Variants in NME7 observed in about 807,000 individuals in gnomAD.
NME7 encodes the protein nucleoside diphosphate kinase 7.
In NME7, 41 loss-of-function variants were observed where a neutral mutation model predicts 49.1. That is an observed-to-expected ratio of 0.83 (90% confidence interval 0.65 to 1.08). The LOEUF is 1.08. Among genes scored for constraint, NME7 ranks in the 50% least tolerant of loss-of-function variants. The pLI is 0.00. For synonymous variants in NME7, 139 were observed against 150.6 expected (o/e 0.92, Z 0.56); for missense variants, 423 against 463.4 (o/e 0.91, Z 0.80).
intron 10 of NME7, among the ~76,000 whole-genome samples, chr1:169,214,432 C>T (rs1660918199): frequency 6.6e-6 from 1 of 152,126 alleles, no homozygotes; most frequent in South Asian, 2.1e-4. Flanking sequence ...ACCATGAAGG[C>T]TTTTGTTTGA....
chr1:169,238,477 G>GCACACACACACACACA (rs138287537), intron 7 of NME7, among the ~76,000 whole-genome samples: 57 of 124,150 alleles, frequency 4.6e-4, no homozygotes, highest in Middle Eastern at 3.7e-3. Flanking sequence ...ATGCACAAAG[G>GCACACACACACACACA]CACACACACA....
At chr1:169,277,771 C>T in intron 7 of NME7, among the ~76,000 whole-genome samples, 1 of 122,012 alleles carries the variant, frequency 8.2e-6, no homozygotes, top group Non-Finnish European at 1.7e-5. Flanking sequence ...GATGCAGTTT[C>T]TTCCTAGTCT....
At chr1:169,339,894 G>C (rs1018962990) in intron 1 of NME7, among the ~76,000 whole-genome samples, 6 of 152,280 alleles carry the variant, frequency 3.9e-5, no homozygotes, top group Non-Finnish European at 8.8e-5. Context: ...GATCACATTG[G>C]TTAAGTTTCT....
At chr1:169,299,097 C>G (rs922734194) in intron 5 of NME7, among the ~76,000 whole-genome samples, 1 of 152,082 alleles carries the variant, frequency 6.6e-6, no homozygotes, top group Non-Finnish European at 1.5e-5. Flanking sequence ...GAGGATTTTC[C>G]TTTTTATTTA....
At chr1:169,257,789 A>G (rs1200529693) in intron 7 of NME7, among the ~76,000 whole-genome samples, 1 of 133,950 alleles carries the variant, frequency 7.5e-6, no homozygotes, top group Non-Finnish European at 1.8e-5. Context: ...TTCATTTACA[A>G]AACTTAGTTT....
chr1:169,355,364 TTA>T (rs1244703925), intron 1 of NME7, among the ~76,000 whole-genome samples: 8 of 50,286 alleles, frequency 1.6e-4, no homozygotes, highest in African/African-American at 4.3e-4. Context: ...TAAATATATA[TTA>T]TACACACACA....
chr1:169,236,246 AC>A (rs1647854662), intron 8 of NME7, among the ~76,000 whole-genome samples: 1 of 152,144 alleles, frequency 6.6e-6, no homozygotes, highest in Non-Finnish European at 1.5e-5. Flanking sequence ...CTGCTGAGTA[AC>A]CCATTTAGGC....
chr1:169,158,527 G>C (rs867159558), intron 11 of NME7, among the ~76,000 whole-genome samples: 1 of 151,984 alleles, frequency 6.6e-6, no homozygotes. Flanking sequence ...GAATAACGGG[G>C]CTCTACTCTA....
Position 169,336,303 on chromosome 1 carries a change from C to T in NME7, c.4-11803G>A, listed in dbSNP as rs559597315. 4.6e-5 allele frequency among the ~76,000 whole-genome samples: 7 copies of T among 151,646 alleles called. No homozygotes were observed. In the East Asian group the frequency reaches 5.8e-4, roughly 13 times the overall value. Reference sequence around the variant, plus strand: ...CAGTAGCAAGATTTATTGCAAAGAGCGAAAGAACAAAGCTTCCACAGTGTG... The same window carrying T: ...CAGTAGCAAGATTTATTGCAAAGAGTGAAAGAACAAAGCTTCCACAGTGTG... On this transcript the variant is annotated intron_variant, in intron 1 of 11. Transcript: ENST00000367811.
chr1:169,179,595 T>C (rs1373681995), intron 10 of NME7, among the ~76,000 whole-genome samples: 1 of 152,120 alleles, frequency 6.6e-6, no homozygotes, highest in Non-Finnish European at 1.5e-5. Flanking sequence ...AAAGAAAATG[T>C]ACATATACAC....
intron 10 of NME7, among the ~76,000 whole-genome samples, chr1:169,224,516 A>G (rs1296342643): frequency 6.6e-6 from 1 of 152,126 alleles, no homozygotes; most frequent in Admixed American, 6.5e-5. Flanking sequence ...ATATATGAAT[A>G]TATACATATA....
chr1:169,177,655 T>C (rs1659792041), intron 10 of NME7, among the ~76,000 whole-genome samples: 1 of 152,008 alleles, frequency 6.6e-6, no homozygotes, highest in Non-Finnish European at 1.5e-5. Context: ...CCTATAGTCC[T>C]GCATGCTCTG....
intron 4 of NME7, among the ~76,000 whole-genome samples, chr1:169,305,686 C>A (rs1371513759): frequency 1.3e-5 from 2 of 152,096 alleles, no homozygotes; most frequent in African/African-American, 4.8e-5. Context: ...AGCTGGTAAC[C>A]CAAGCTCACT....
intron 3 of NME7, among the ~76,000 whole-genome samples, chr1:169,319,253 C>T (rs2101931996): frequency 6.6e-6 from 1 of 152,052 alleles, no homozygotes; most frequent in African/African-American, 2.4e-5. Context: ...GATGATACTG[C>T]CAAATCTTCA....
intron 7 of NME7, among the ~76,000 whole-genome samples, chr1:169,277,364 G>C (rs534382290): frequency 2.1e-3 from 299 of 142,208 alleles, no homozygotes; most frequent in African/African-American, 7.2e-3. Context: ...TATGAATCTG[G>C]GTGCTCCTGT....
chr1:169,329,576 C>T (rs1274476915), intron 1 of NME7, among the ~76,000 whole-genome samples: 1 of 151,602 alleles, frequency 6.6e-6, no homozygotes, highest in Non-Finnish European at 1.5e-5. Context: ...CATCAGAGTC[C>T]TTTAATGGCA....
At chr1:169,238,863 ATCT>A (rs1237597394) in intron 7 of NME7, among the ~76,000 whole-genome samples, 2 of 152,134 alleles carry the variant, frequency 1.3e-5, no homozygotes, top group East Asian at 3.9e-4. Flanking sequence ...GGCAAATAAC[ATCT>A]TCTGTCACAT....
intron 10 of NME7, among the ~76,000 whole-genome samples, chr1:169,222,817 A>G (rs1242246158): frequency 1.3e-5 from 2 of 152,226 alleles, no homozygotes; most frequent in Non-Finnish European, 2.9e-5. Context: ...AAAAGTTACT[A>G]ATAGACTACA....
chr1:169,165,809 C>T (rs1041052455), intron 11 of NME7, among the ~76,000 whole-genome samples: 2 of 152,196 alleles, frequency 1.3e-5, no homozygotes, highest in African/African-American at 4.8e-5. Flanking sequence ...TTGACTATCT[C>T]AGCACTCTTT....
Sources: allele counts gnomAD v4.1 joint callset (sites outside exome capture counted in the v4.1 genomes callset), GRCh38; gene constraint gnomAD v4.1.1; transcripts MANE v1.5; gene names NCBI Gene and HGNC (gene_info 2026-07-23, HGNC 2026-07-21).